DSCAM: variants seen among roughly 807,000 people sequenced by gnomAD.
The protein encoded by DSCAM is cell adhesion molecule DSCAM.
DSCAM carries 47 observed loss-of-function variants against 217.7 expected under a neutral mutation model. The ratio of observed to expected loss-of-function variants is 0.22; its 90% confidence interval spans 0.17 to 0.28. The LOEUF is 0.28. Among genes scored for constraint, DSCAM ranks in the 10% least tolerant of loss-of-function variants. The probability of loss-of-function intolerance (pLI) is 1.00; values close to 1 mark genes in which losing one functional copy is unlikely to be tolerated. For missense variants in DSCAM, 2,080 were observed against 2,618.3 expected (o/e 0.79, Z 4.49); for synonymous variants, 1,056 against 1,015.3 (o/e 1.04, Z -0.76).
intron 8 of DSCAM, among the ~76,000 whole-genome samples, chr21:40,335,375 T>G (rs1601561008): frequency 6.6e-6 from 1 of 152,196 alleles, no homozygotes; most frequent in East Asian, 1.9e-4. Context: ...AATTATTTCC[T>G]AAAATCATAA....
intron 3 of DSCAM, among the ~76,000 whole-genome samples, chr21:40,555,789 T>C (rs967053822): frequency 2.0e-5 from 3 of 152,144 alleles, no homozygotes; most frequent in African/African-American, 7.2e-5. Flanking sequence ...TCCACCACCA[T>C]GCTTGGCTAA....
intron 20 of DSCAM, among the ~76,000 whole-genome samples, chr21:40,116,100 A>G (rs2089966833): frequency 6.6e-6 from 1 of 152,176 alleles, no homozygotes; most frequent in Non-Finnish European, 1.5e-5. Flanking sequence ...TAGCTAAATT[A>G]TGAGAACATA....
intron 3 of DSCAM, among the ~76,000 whole-genome samples, chr21:40,619,692 C>T (rs1453798447): frequency 1.3e-5 from 2 of 152,092 alleles, no homozygotes; most frequent in Non-Finnish European, 2.9e-5. Flanking sequence ...ATTGCATCCA[C>T]AGGCATTGTA....
intron 3 of DSCAM, among the ~76,000 whole-genome samples, chr21:40,433,346 TAAAAAAAA>T (rs10678618): frequency 1.1e-5 from 1 of 93,734 alleles, no homozygotes; most frequent in South Asian, 4.0e-4. Context: ...AGACTCCGTC[TAAAAAAAA>T]AAAAAAAAAA....
At chr21:40,151,195 T>G (rs187370864) in intron 16 of DSCAM, among the ~76,000 whole-genome samples, 1 of 152,290 alleles carries the variant, frequency 6.6e-6, no homozygotes. Context: ...CCCAACTGTC[T>G]TACATATTCC....
chr21:40,705,406 C>T (rs572171742), intron 2 of DSCAM, among the ~76,000 whole-genome samples: 19 of 143,724 alleles, frequency 1.3e-4, no homozygotes, highest in Non-Finnish European at 2.6e-4. Context: ...CTGCATTTTT[C>T]GTTGTTTTTT....
rs2090329008 is a variant in DSCAM at position 40,144,358 on chromosome 21, C to T, written c.3259+133G>A. 2 of 1,425,828 alleles carry T rather than the reference C, an allele frequency of 1.4e-6. No homozygotes were observed. Among genetic ancestry groups the T allele is most frequent in the Admixed American group, 4.3e-5 (2 of 46,460 alleles). The allele number at this position is 1,425,828 out of a possible 1,614,324, so 88.3% of individuals were successfully genotyped here. ...GAGGTCACGAGGGAAGGCTTTTCCA[C>T]CCGAGACCCCAGGCCCTGCAGGTCA... On this transcript the variant is annotated intron_variant, in intron 17 of 32. Transcript: ENST00000400454. This position sits in a 1 kb window ranked among gnomAD's most constrained non-coding sequence, Gnocchi z 4.8.
intron 3 of DSCAM, among the ~76,000 whole-genome samples, chr21:40,674,206 C>T (rs945212981): frequency 2.4e-4 from 36 of 152,192 alleles, no homozygotes; most frequent in Non-Finnish European, 1.5e-5. Context: ...AAGGAATACA[C>T]TCAACTTGGA....
chr21:40,620,677 G>T (rs1239829444), intron 3 of DSCAM, among the ~76,000 whole-genome samples: 2 of 152,342 alleles, frequency 1.3e-5, no homozygotes, highest in Middle Eastern at 6.8e-3. Flanking sequence ...CTGCTAGTGA[G>T]AATTCCAAAT....
chr21:40,401,966 CT>C, intron 3 of DSCAM, among the ~76,000 whole-genome samples: 1 of 151,016 alleles, frequency 6.6e-6, no homozygotes, highest in South Asian at 2.1e-4. Flanking sequence ...ATGTTTCCCC[CT>C]TTTAAGTTCC....
intron 11 of DSCAM, among the ~76,000 whole-genome samples, chr21:40,226,352 T>C (rs891202091): frequency 2.6e-5 from 4 of 152,232 alleles, no homozygotes; most frequent in African/African-American, 9.6e-5. Context: ...TCTCGGATTT[T>C]CTTGGATTGA....
chr21:40,634,136 G>A (rs897336596), intron 3 of DSCAM, among the ~76,000 whole-genome samples: 1 of 152,148 alleles, frequency 6.6e-6, no homozygotes, highest in African/African-American at 2.4e-5. Context: ...ATTGAAAGAC[G>A]ACTTGATGAA....
chr21:40,033,287 C>G (rs1328838334), intron 32 of DSCAM, among the ~76,000 whole-genome samples: 1 of 152,118 alleles, frequency 6.6e-6, no homozygotes, highest in Admixed American at 6.5e-5. Context: ...CTAGGGAGTG[C>G]CAGACAGTGG....
intron 1 of DSCAM, among the ~76,000 whole-genome samples, chr21:40,781,436 T>C (rs2091543658): frequency 6.6e-6 from 1 of 152,244 alleles, no homozygotes; most frequent in Admixed American, 6.5e-5. Flanking sequence ...TACATACAAT[T>C]GACTCTCTGA....
At chr21:40,828,695 A>T (rs2123630956) in intron 1 of DSCAM, among the ~76,000 whole-genome samples, 1 of 137,460 alleles carries the variant, frequency 7.3e-6, no homozygotes, top group Non-Finnish European at 1.5e-5. Context: ...TCACTCTGTC[A>T]CCCAGGCTGG....
chr21:40,640,856 G>GCACA (rs35412540), intron 3 of DSCAM, among the ~76,000 whole-genome samples: 1 of 151,780 alleles, frequency 6.6e-6, no homozygotes, highest in African/African-American at 2.4e-5. Flanking sequence ...AACACCACAC[G>GCACA]CACACACACA....
intron 15 of DSCAM, among the ~76,000 whole-genome samples, chr21:40,170,972 G>T (rs1369886410): frequency 6.6e-6 from 1 of 152,116 alleles, no homozygotes; most frequent in Non-Finnish European, 1.5e-5. Context: ...TAAACCAAAG[G>T]TGCCAGCATA....
At chr21:40,643,787 C>A (rs1452155428) in intron 3 of DSCAM, among the ~76,000 whole-genome samples, 1 of 152,200 alleles carries the variant, frequency 6.6e-6, no homozygotes, top group East Asian at 1.9e-4. Flanking sequence ...GAGGAAACAC[C>A]ATGTGAGCAC....
rs73225097 is a variant in DSCAM, at chr21:40,268,244, C to T, written c.2356+7853G>A. Among the ~76,000 whole-genome samples, 611 of 152,250 alleles carry T rather than the reference C, an allele frequency of 4.0e-3. 3 individuals carry two copies. The highest frequency in any genetic ancestry group is 4.4e-3 in the Non-Finnish European group (302 of 68,032). ...CTAATACTTGGTCTTATTCAGAGCA[C>T]GCAGGATGTAGAACAATTCTTGACA... is the stretch of plus-strand genomic sequence containing the variant. On this transcript the variant is annotated intron_variant, in intron 11 of 32. Coordinates refer to ENST00000400454, the MANE Select transcript of DSCAM (RefSeq NM_001389.5).
Sources: allele counts gnomAD v4.1 joint callset (sites outside exome capture counted in the v4.1 genomes callset), GRCh38; gene constraint gnomAD v4.1.1; non-coding constraint Gnocchi (gnomAD v3.1); transcripts MANE v1.5; gene names NCBI Gene and HGNC (gene_info 2026-07-23, HGNC 2026-07-21).